RAD51B: variants seen among roughly 807,000 people sequenced by gnomAD.
RAD51B encodes RAD51 paralog B, also known as DNA repair protein RAD51 homolog 2.
Under a neutral mutation model 42.2 loss-of-function variants are expected in RAD51B, and 38 were observed. The ratio of observed to expected loss-of-function variants is 0.90; its 90% CI spans 0.70 to 1.18. The LOEUF is 1.18. Ranked by LOEUF, RAD51B falls within the 50% of genes most tolerant of loss-of-function variation. RAD51B has a pLI of 0.00. For synonymous variants in RAD51B, 154 were observed against 145.2 expected (o/e 1.06, Z -0.43); for missense variants, 373 against 400.7 (o/e 0.93, Z 0.59).
intron 8 of RAD51B, among the ~76,000 whole-genome samples, chr14:68,344,323 A>G (rs2082627881): frequency 6.6e-6 from 1 of 152,260 alleles, no homozygotes; most frequent in African/African-American, 2.4e-5. Context: ...TGGGACATGG[A>G]GTCAAAGATG....
At chr14:67,966,718 C>T (rs529358702) in intron 7 of RAD51B, among the ~76,000 whole-genome samples, 5 of 152,284 alleles carry the variant, frequency 3.3e-5, no homozygotes, top group Admixed American at 6.5e-5. Context: ...TGTGTGCTTG[C>T]TTTCCTCACA....
At chr14:68,235,703 C>CAAAAAAAAA (rs57180468) in intron 7 of RAD51B, among the ~76,000 whole-genome samples, 1 of 14,042 alleles carries the variant, frequency 7.1e-5, no homozygotes, top group African/African-American at 1.6e-4. Flanking sequence ...GACTCCGTCT[C>CAAAAAAAAA]AAAAAAAAAA....
chr14:68,064,295 G>A (rs1241465091), intron 7 of RAD51B, among the ~76,000 whole-genome samples: 1 of 152,130 alleles, frequency 6.6e-6, no homozygotes, highest in Non-Finnish European at 1.5e-5. Flanking sequence ...TTGGCCTGAA[G>A]GTTTCTACTG....
intron 9 of RAD51B, among the ~76,000 whole-genome samples, chr14:68,443,983 C>T (rs974665423): frequency 2.6e-5 from 4 of 152,160 alleles, no homozygotes; most frequent in Non-Finnish European, 5.9e-5. Context: ...ATTATGTACT[C>T]ATATTTGTAT....
intron 7 of RAD51B, among the ~76,000 whole-genome samples, chr14:68,093,308 C>T (rs1030070835): frequency 4.6e-5 from 7 of 152,140 alleles, no homozygotes; most frequent in South Asian, 2.1e-4. Context: ...TGGTAGAATT[C>T]GGCTGTGAAT....
intron 10 of RAD51B, among the ~76,000 whole-genome samples, chr14:68,607,944 C>A (rs1316295484): frequency 6.6e-6 from 1 of 152,198 alleles, no homozygotes. Flanking sequence ...AAATCCCAGA[C>A]CTCAGGGGAA....
At chr14:68,633,859 G>A (rs1892288510) in intron 10 of RAD51B, among the ~76,000 whole-genome samples, 1 of 152,214 alleles carries the variant, frequency 6.6e-6, no homozygotes, top group Admixed American at 6.5e-5. Flanking sequence ...CAGTGGGCTT[G>A]GATTGTTCCA....
At chr14:68,061,024 T>C (rs2076558059) in intron 7 of RAD51B, among the ~76,000 whole-genome samples, 1 of 151,588 alleles carries the variant, frequency 6.6e-6, no homozygotes, top group Admixed American at 6.6e-5. Context: ...TTGTTCTTTC[T>C]GCTCAGAATT....
intron 11 of RAD51B, among the ~76,000 whole-genome samples, chr14:68,668,004 A>C (rs1893068179): frequency 6.6e-6 from 1 of 152,138 alleles, no homozygotes; most frequent in Non-Finnish European, 1.5e-5. Flanking sequence ...GTAAAGAAGC[A>C]CTTCCCTGGC....
chr14:68,643,413 A>T (rs1386273666), intron 10 of RAD51B, among the ~76,000 whole-genome samples: 1 of 152,170 alleles, frequency 6.6e-6, no homozygotes, highest in Non-Finnish European at 1.5e-5. Flanking sequence ...TTTAAAGTAG[A>T]TTTCTTGTAG....
At chr14:68,596,272 T>A (rs79988044), downstream of RAD51B, among the ~76,000 whole-genome samples, 2 of 152,176 alleles carry the variant, frequency 1.3e-5, no homozygotes, top group African/African-American at 4.8e-5. Context: ...ACTTTTTTTT[T>A]TCTAATCAGT....
chr14:68,633,035 T>C (rs1221913158), intron 10 of RAD51B, among the ~76,000 whole-genome samples: 1 of 144,254 alleles, frequency 6.9e-6, no homozygotes, highest in African/African-American at 2.6e-5. Context: ...CCCAGGCTGG[T>C]CTTGAACACA....
At chr14:67,975,433 A>T (rs1322687527) in intron 7 of RAD51B, among the ~76,000 whole-genome samples, 2 of 152,228 alleles carry the variant, frequency 1.3e-5, no homozygotes, top group East Asian at 3.8e-4. Flanking sequence ...CAGCCTTATC[A>T]TATTTATTCA....
chr14:68,039,256 C>T (rs1000388205), intron 7 of RAD51B, among the ~76,000 whole-genome samples: 11 of 151,854 alleles, frequency 7.2e-5, no homozygotes, highest in Non-Finnish European at 1.5e-4. Flanking sequence ...TGGTGAAACC[C>T]CATCTGTACT....
chr14:68,404,899 G>T (rs544064129), intron 8 of RAD51B, among the ~76,000 whole-genome samples: 25 of 152,150 alleles, frequency 1.6e-4, no homozygotes, highest in African/African-American at 5.8e-4. Flanking sequence ...CACTTCCATC[G>T]GTATCCTCCC....
intron 7 of RAD51B, among the ~76,000 whole-genome samples, chr14:68,066,210 A>C (rs538917643): frequency 1.3e-5 from 2 of 152,242 alleles, no homozygotes; most frequent in Admixed American, 1.3e-4. Context: ...AATAGTAATT[A>C]AATAAGGCAG....
At chr14:68,368,932 C>A (rs891075453) in intron 8 of RAD51B, among the ~76,000 whole-genome samples, 1 of 152,162 alleles carries the variant, frequency 6.6e-6, no homozygotes, top group African/African-American at 2.4e-5. Context: ...CATTTTGTGG[C>A]TCATTTTCAG....
chr14:68,371,376 G>C (rs1195096446), intron 8 of RAD51B, among the ~76,000 whole-genome samples: 1 of 152,166 alleles, frequency 6.6e-6, no homozygotes, highest in Non-Finnish European at 1.5e-5. Context: ...AAATTAGCTG[G>C]GCGTGGTGGT....
At chr14:68,156,697 T>C (rs951518945) in intron 7 of RAD51B, among the ~76,000 whole-genome samples, 1 of 152,222 alleles carries the variant, frequency 6.6e-6, no homozygotes, top group Admixed American at 6.5e-5. Context: ...GTTTGAACTA[T>C]AATGAATTAT....
Sources: gnomAD v4.1 joint callset for allele counts (sites outside exome capture counted in the v4.1 genomes callset) on GRCh38, gnomAD v4.1.1 for gene constraint, MANE v1.5 for transcripts, NCBI Gene and HGNC (gene_info 2026-07-23, HGNC 2026-07-21) for gene names.